FRMPD4: variants seen among roughly 807,000 people sequenced by gnomAD.
FRMPD4 encodes the protein FERM and PDZ domain-containing protein 4.
In FRMPD4, 22 loss-of-function variants were observed where a neutral mutation model predicts 94.1. The observed-to-expected ratio is 0.23, with a 90% CI of 0.17 to 0.33. The LOEUF is 0.33. Among genes scored for constraint, FRMPD4 ranks in the 10% least tolerant of loss-of-function variants. FRMPD4 has a pLI of 1.00. For missense variants in FRMPD4, 1,111 were observed against 1,339.9 expected (o/e 0.83, Z 2.67); for synonymous variants, 631 against 548.6 (o/e 1.15, Z -2.10).
chrX:12,086,896 A>G (rs769631988), intron 3 of FRMPD4, among the ~76,000 whole-genome samples: 5 of 110,975 alleles, frequency 4.5e-5, no homozygotes, highest in Non-Finnish European at 7.5e-5. Context: ...TGTAGGCAGA[A>G]CTGTTTCTTG....
intron 2 of FRMPD4, among the ~76,000 whole-genome samples, chrX:12,528,158 T>C (rs972567412): frequency 9.0e-5 from 10 of 111,311 alleles, no homozygotes; most frequent in Admixed American, 7.7e-4. Flanking sequence ...GCCAGACACA[T>C]AATCTAGTTA....
Position 12,542,284 on chromosome X carries a change from C to A in FRMPD4, c.158+43488C>A, listed in dbSNP as rs181613901. 5.2e-3 allele frequency among the ~76,000 whole-genome samples: 577 copies of A among 111,454 alleles called. 6 individuals are homozygous for A. Among genetic ancestry groups the A allele is most frequent in the African/African-American group, 0.017 (520 of 30,753 alleles). On this transcript the variant is annotated intron_variant, in intron 2 of 16. Coordinates refer to ENST00000675598, the MANE Select transcript of FRMPD4 (RefSeq NM_001368397.1). Reference sequence around the variant, plus strand: ...AAATAAAGGGTATTCAATTAGGAAACGAGGAAGTCAAATTGTCCCTGTTTG... The same window carrying A: ...AAATAAAGGGTATTCAATTAGGAAAAGAGGAAGTCAAATTGTCCCTGTTTG...
chrX:12,479,435 C>CATATATACGTATATATATAT (rs35102998), intron 1 of FRMPD4, among the ~76,000 whole-genome samples: 4 of 90,445 alleles, frequency 4.4e-5, no homozygotes, highest in Middle Eastern at 4.9e-3. Context: ...TATATATATA[C>CATATATACGTATATATATAT]ACACATATAT....
chrX:12,583,662 C>G, intron 2 of FRMPD4: 1 of 372,187 alleles, frequency 2.7e-6, no homozygotes, highest in East Asian at 4.5e-5. Flanking sequence ...GTCTGCGCGC[C>G]CCGCCGCCCT....
chrX:12,591,550 T>C (rs1162348290), intron 2 of FRMPD4, among the ~76,000 whole-genome samples: 1 of 111,874 alleles, frequency 8.9e-6, no homozygotes, highest in Non-Finnish European at 1.9e-5. Flanking sequence ...ATAAATAAAG[T>C]TTTATGAGAA....
chrX:11,952,367 A>G (rs1358638913), intron 3 of FRMPD4, among the ~76,000 whole-genome samples: 1 of 112,145 alleles, frequency 8.9e-6, no homozygotes, highest in Non-Finnish European at 1.9e-5. Flanking sequence ...GCAGAGTAGG[A>G]GCGTTAGATC....
At chrX:12,375,684 G>A (rs918252858) in intron 1 of FRMPD4, among the ~76,000 whole-genome samples, 3 of 112,189 alleles carry the variant, frequency 2.7e-5, no homozygotes, top group Non-Finnish European at 5.6e-5. Context: ...AGTCTCTTGC[G>A]ATCCAACAAC....
intron 2 of FRMPD4, among the ~76,000 whole-genome samples, chrX:12,593,460 T>C (rs1457748766): frequency 8.9e-6 from 1 of 112,388 alleles, no homozygotes; most frequent in East Asian, 2.8e-4. Context: ...GCTCTCAGGC[T>C]GAGTTTTCAG....
At chrX:11,978,692 T>C (rs2054381235) in intron 3 of FRMPD4, among the ~76,000 whole-genome samples, 2 of 112,105 alleles carry the variant, frequency 1.8e-5, no homozygotes, top group South Asian at 7.4e-4. Context: ...AGAGTGTTTG[T>C]GGAGAACAAA....
chrX:11,893,595 C>G (rs893807317), intron 3 of FRMPD4, among the ~76,000 whole-genome samples: 4 of 111,960 alleles, frequency 3.6e-5, no homozygotes, highest in Non-Finnish European at 7.5e-5. Flanking sequence ...TGAACGAGCA[C>G]TTTATATAAG....
At chrX:12,451,921 C>G (rs1195258630) in intron 1 of FRMPD4, among the ~76,000 whole-genome samples, 1 of 110,753 alleles carries the variant, frequency 9.0e-6, no homozygotes, top group African/African-American at 3.3e-5. Flanking sequence ...CAGCTCTATT[C>G]TTTCTCTTTT....
At chrX:12,589,134 A>G (rs1379816981) in intron 2 of FRMPD4, among the ~76,000 whole-genome samples, 1 of 112,539 alleles carries the variant, frequency 8.9e-6, no homozygotes, top group Non-Finnish European at 1.9e-5. Context: ...CAGGCATTTT[A>G]GTGTCACTAA....
chrX:12,068,812 T>A (rs2054942636), intron 3 of FRMPD4, among the ~76,000 whole-genome samples: 1 of 112,147 alleles, frequency 8.9e-6, no homozygotes, highest in South Asian at 3.7e-4. Flanking sequence ...AAATACCCAT[T>A]AAGTAACAAA....
intron 3 of FRMPD4, among the ~76,000 whole-genome samples, chrX:12,007,703 G>C (rs949467453): frequency 1.6e-4 from 18 of 112,399 alleles, no homozygotes; most frequent in Non-Finnish European, 1.9e-5. Flanking sequence ...TTGGGGTCAA[G>C]AGCAAGAAAT....
chrX:12,195,025 A>G (rs1348306082), intron 1 of FRMPD4, among the ~76,000 whole-genome samples: 1 of 112,491 alleles, frequency 8.9e-6, no homozygotes, highest in African/African-American at 3.2e-5. Flanking sequence ...ATTCAAAGAC[A>G]TGACACTAGT....
intron 10 of FRMPD4, among the ~76,000 whole-genome samples, chrX:12,703,454 T>C (rs1305871530): frequency 8.9e-6 from 1 of 111,745 alleles, no homozygotes. Context: ...AGAATATGAA[T>C]GGTCAAGTGG....
intron 2 of FRMPD4, among the ~76,000 whole-genome samples, chrX:12,563,308 C>A (rs1372819325): frequency 9.0e-6 from 1 of 110,632 alleles, no homozygotes; most frequent in Non-Finnish European, 1.9e-5. Context: ...AGACTGCTCA[C>A]AGAGCTTTTC....
intron 1 of FRMPD4, among the ~76,000 whole-genome samples, chrX:12,400,926 G>A (rs2056601480): frequency 8.9e-6 from 1 of 111,797 alleles, no homozygotes; most frequent in Non-Finnish European, 1.9e-5. Flanking sequence ...AAGGGTTCTC[G>A]TGTTTCGTTG....
At chrX:12,382,510 GCATAGCATAGCATAGCATAGAGCAT>G (rs2056334181) in intron 1 of FRMPD4, among the ~76,000 whole-genome samples, 2 of 69,894 alleles carry the variant, frequency 2.9e-5, no homozygotes, top group African/African-American at 5.6e-5. Context: ...GCATAGCATA[GCATAGCATAGCATAGCATAGAGCAT>G]AGCATAGCAT....
Sources: gnomAD v4.1 joint callset for allele counts (sites outside exome capture counted in the v4.1 genomes callset) on GRCh38, gnomAD v4.1.1 for gene constraint, MANE v1.5 for transcripts, NCBI Gene and HGNC (gene_info 2026-07-23, HGNC 2026-07-21) for gene names.